The following XPO7 variants were observed in gnomAD, a reference collection of about 807,000 sequenced individuals.
XPO7 encodes the protein exportin 7, also known as exportin-7.
XPO7 carries 21 observed loss-of-function variants against 144.3 expected under a neutral mutation model. The ratio of observed to expected loss-of-function variants is 0.15; its 90% CI spans 0.10 to 0.21. XPO7 has a LOEUF of 0.21. Ranked by LOEUF, XPO7 falls within the 10% of genes least tolerant of loss-of-function variation. The probability of loss-of-function intolerance (pLI) is 1.00; values close to 1 mark genes in which losing one functional copy is unlikely to be tolerated. For missense variants in XPO7, 808 were observed against 1,325.8 expected (o/e 0.61, Z 6.06); for synonymous variants, 580 against 499.6 (o/e 1.16, Z -2.15).
intron 18 of XPO7, among the ~76,000 whole-genome samples, chr8:21,991,530 C>T (rs1282754208): frequency 1.3e-5 from 2 of 152,192 alleles, no homozygotes; most frequent in Non-Finnish European, 2.9e-5. Context: ...ATCTGGTTCT[C>T]ATGCACAAGC....
At chr8:21,998,349 G>A (rs1474551880) in intron 21 of XPO7, among the ~76,000 whole-genome samples, 1 of 152,188 alleles carries the variant, frequency 6.6e-6, no homozygotes. Flanking sequence ...GCTGAAGCAG[G>A]AGAATGGTGT....
chr8:21,998,813 A>T lies in XPO7; in HGVS notation c.2404A>T (p.Thr802Ser), dbSNP rs1317162482. 1 of 1,614,006 alleles carries T rather than the reference A, an allele frequency of 6.2e-7. No homozygotes were observed. Among genetic ancestry groups the T allele is most frequent in the South Asian group, 1.1e-5 (1 of 91,080 alleles). The change falls in exon 22 of 28, where the codon ACC (threonine) becomes TCC (serine). Residue 802 changes from threonine to serine, a missense_variant. Around this residue, in one of 5 missense-constraint regions of XPO7, gnomAD observed 416 missense variants for 612.5 expected, o/e 0.68. Transcript: ENST00000252512. ...CAATGGCATCTTACTCTTCCGAGAAACCAGCAAGATGATAACAATGTATGG... is the reference window on the plus strand; with the variant it reads ...CAATGGCATCTTACTCTTCCGAGAATCCAGCAAGATGATAACAATGTATGG... ...SPNGILLFRE[T>S]SKMITMYGNR... is the part of the protein sequence containing the mutation.
intron 1 of XPO7, among the ~76,000 whole-genome samples, chr8:21,944,991 C>T (rs1811131312): frequency 6.6e-6 from 1 of 152,240 alleles, no homozygotes; most frequent in Non-Finnish European, 1.5e-5. Context: ...AAAATGGAGT[C>T]TCCTATGTCT....
rs964078986 is a variant in XPO7, at chr8:22,005,709, G to C, written c.*621G>C. ...CCTCACCCAGAAATGATCAATTCCTGTTACTGTATTAACCCTTGTTATTAG... is the reference window on the plus strand; with the variant it reads ...CCTCACCCAGAAATGATCAATTCCTCTTACTGTATTAACCCTTGTTATTAG... On this transcript the variant is annotated 3_prime_UTR_variant, in exon 28 of 28. Transcript: ENST00000252512. 1.3e-5 allele frequency: 2 copies of C among 152,132 alleles called. No homozygotes were observed. The highest frequency in any genetic ancestry group is 4.8e-5 in the African/African-American group (2 of 41,422). The allele number at this position is 152,132 out of a possible 1,614,324, so 9.4% of individuals were successfully genotyped here.
intron 26 of XPO7, 107 bp from the exon 27 acceptor site, chr8:22,003,796 A>T: frequency 6.6e-7 from 1 of 1,507,790 alleles, no homozygotes; most frequent in South Asian, 1.3e-5. Flanking sequence ...TTTAGTAGAC[A>T]TTCCATTCCT....
chr8:22,004,545 ATGCAGT>A (rs1356911734), intron 27 of XPO7, among the ~76,000 whole-genome samples: 1 of 152,220 alleles, frequency 6.6e-6, no homozygotes, highest in African/African-American at 2.4e-5. Flanking sequence ...TAAAATTAAG[ATGCAGT>A]TGGGGAGCTG....
intron 1 of XPO7, among the ~76,000 whole-genome samples, chr8:21,920,034 G>T (rs936786167): frequency 6.6e-6 from 1 of 151,384 alleles, no homozygotes; most frequent in Non-Finnish European, 1.5e-5. Flanking sequence ...GGACAGGAAC[G>T]GGCATCCCGG....
chr8:21,932,121 G>A (rs780188999), intron 1 of XPO7, among the ~76,000 whole-genome samples: 33 of 152,202 alleles, frequency 2.2e-4, no homozygotes, highest in East Asian at 1.4e-3. Context: ...TGATCCGCAC[G>A]CCTCCCAAAG....
chr8:21,920,516 G>A (rs1810243756), intron 1 of XPO7, among the ~76,000 whole-genome samples: 1 of 152,192 alleles, frequency 6.6e-6, no homozygotes, highest in Admixed American at 6.5e-5. Flanking sequence ...AATGAGAGAT[G>A]CAGGGTTGGG....
intron 13 of XPO7, among the ~76,000 whole-genome samples, chr8:21,985,905 C>T (rs1003409781): frequency 1.3e-5 from 2 of 152,070 alleles, no homozygotes; most frequent in African/African-American, 2.4e-5. Context: ...ATAATGGATA[C>T]GGAATTAGGA....
At position 21,994,502 on chromosome 8, in the gene XPO7, T is replaced by G. The variant is rs950722775; in HGVS notation, c.2237+51T>G. On this transcript the variant is annotated intron_variant, in intron 20 of 27. Transcript: ENST00000252512. ...ACTACAGCCTGCCTTAACTGGAGTG[T>G]GATTGGGTGATAGGGTCCAGAGACG... 1.7e-5 allele frequency: 26 copies of G among 1,523,598 alleles called. No homozygotes were observed. The Admixed American group carries it at 1.8e-4, about 10-fold the overall frequency. The allele number at this position is 1,523,598 out of a possible 1,614,324, so 94.4% of individuals were successfully genotyped here.
At chr8:21,991,831 G>T in intron 18 of XPO7, 37 bp from the exon 19 acceptor site, 1 of 1,521,742 alleles carries the variant, frequency 6.6e-7, no homozygotes, top group Non-Finnish European at 9.0e-7. Context: ...TTGAATTCTT[G>T]GTATTGGGGT....
intron 1 of XPO7, among the ~76,000 whole-genome samples, chr8:21,957,034 G>C (rs1811558431): frequency 6.6e-6 from 1 of 152,160 alleles, no homozygotes; most frequent in Non-Finnish European, 1.5e-5. Context: ...AGAGTAATCA[G>C]GTGTGCCATT....
At chr8:21,960,955 T>TA (rs1465794993) in intron 1 of XPO7, among the ~76,000 whole-genome samples, 1 of 152,120 alleles carries the variant, frequency 6.6e-6, no homozygotes, top group African/African-American at 2.4e-5. Context: ...TACAGAAAAA[T>TA]ACATGAATTA....
rs144755478 is a variant in XPO7, at chr8:21,995,176, T to C, written c.2238-316T>C. Reference sequence around the variant, plus strand: ...AATCCAGGTGCCTCTTTAATAGTTATGTAAAGGAAATGAGCTGATCCCATA... The same window carrying C: ...AATCCAGGTGCCTCTTTAATAGTTACGTAAAGGAAATGAGCTGATCCCATA... On this transcript the variant is annotated intron_variant, in intron 20 of 27. Transcript: ENST00000252512. Among the ~76,000 whole-genome samples, 1,137 of 152,272 alleles carry C rather than the reference T, an allele frequency of 7.5e-3. 13 individuals are homozygous for C. The highest frequency in any genetic ancestry group is 0.026 in the African/African-American group (1,086 of 41,566).
chr8:21,979,255 G>A (rs1357321653), intron 8 of XPO7, among the ~76,000 whole-genome samples: 4 of 151,792 alleles, frequency 2.6e-5, no homozygotes, highest in Non-Finnish European at 4.4e-5. Context: ...ATGTTGGTCA[G>A]GCTGGTCTCA....
chr8:21,981,805 A>G lies in XPO7; in HGVS notation c.1032A>G (p.Gly344=), dbSNP rs1812418584. ...GATTGAAGAGTAACTATCAACTGGG[A>G]GAATTGGTAAAGGTGGAAAACTACC... ...LARLKSNYQL[G]ELVKVENYPE... is the part of the protein sequence containing the mutation. Residue 344 remains glycine, a synonymous_variant, in exon 10 of 28, where the codon GGA becomes GGG. Coordinates refer to ENST00000252512, the MANE Select transcript of XPO7 (RefSeq NM_015024.5). 6.2e-7 allele frequency: 1 copy of G among 1,613,976 alleles called. No individual in the cohort carries two copies. The highest frequency in any genetic ancestry group is 8.5e-7 in the Non-Finnish European group (1 of 1,179,886).
intron 25 of XPO7, 43 bp downstream of exon 25, chr8:22,002,315 CAG>C (rs1813177706): frequency 6.3e-7 from 1 of 1,593,894 alleles, no homozygotes; most frequent in African/African-American, 1.3e-5. Context: ...GGGTGTCCGA[CAG>C]AGGAAGGACC....
intron 1 of XPO7, among the ~76,000 whole-genome samples, chr8:21,952,112 T>G (rs908015894): frequency 3.6e-4 from 55 of 152,216 alleles, no homozygotes; most frequent in African/African-American, 1.3e-3. Flanking sequence ...CATGCCACTT[T>G]AGGATGTGAG....
Sources: gnomAD v4.1 joint callset for allele counts (sites outside exome capture counted in the v4.1 genomes callset) on GRCh38, gnomAD v4.1.1 for gene constraint, gnomAD v4.1.1 regional missense constraint, MANE v1.5 for transcripts, NCBI Gene and HGNC (gene_info 2026-07-23, HGNC 2026-07-21) for gene names.